The following SPDYA variants were observed in gnomAD, a reference collection of about 807,000 sequenced individuals.
SPDYA encodes the protein speedy/RINGO cell cycle regulator family member A.
Under a neutral mutation model 36.7 loss-of-function variants are expected in SPDYA, and 11 were observed. That is an observed-to-expected ratio of 0.30 (90% CI 0.19 to 0.50). The LOEUF (loss-of-function observed/expected upper bound fraction) is 0.50, where lower values mean the gene tolerates loss of function less well. SPDYA is among the 20% of genes least tolerant of loss of function. The probability of loss-of-function intolerance (pLI) is 0.98; values close to 1 mark genes in which losing one functional copy is unlikely to be tolerated. For synonymous variants in SPDYA, 115 were observed against 118.7 expected (o/e 0.97, Z 0.20); for missense variants, 287 against 370.9 (o/e 0.77, Z 1.86).
intron 5 of SPDYA, among the ~76,000 whole-genome samples, chr2:28,827,488 T>G (rs1004701881): frequency 2.6e-5 from 4 of 152,192 alleles, no homozygotes; most frequent in Non-Finnish European, 5.9e-5. Flanking sequence ...GATTTCAGGG[T>G]CTGTTACTGT....
At position 28,819,064 on chromosome 2, in the gene SPDYA, A is replaced by G. The variant is rs1170580806; in HGVS notation, c.252A>G (p.Gln84=). The G allele has an allele frequency of 7.4e-6, 12 of 1,611,636 alleles. No homozygotes were observed. The highest frequency in any genetic ancestry group is 1.0e-5 in the Non-Finnish European group (12 of 1,178,882). Residue 84 remains glutamine (Q), a synonymous_variant, in exon 4 of 8, where the codon CAA becomes CAG. Coordinates refer to ENST00000334056, the MANE Select transcript of SPDYA (RefSeq NM_182756.4). Reference sequence around the variant, plus strand: ...TTGTTGTAGATGACGATTTAATTCAAGATTTCTTGTGGATGGACTGCTGCT... The same window carrying G: ...TTGTTGTAGATGACGATTTAATTCAGGATTTCTTGTGGATGGACTGCTGCT... ...FFKLFDDDLI[Q]DFLWMDCCCK... is the part of the protein sequence containing the mutation.
chr2:28,822,220 T>C (rs1022785670), intron 4 of SPDYA, 105 bp from the exon 5 acceptor site: 8 of 495,888 alleles, frequency 1.6e-5, no homozygotes, highest in African/African-American at 3.9e-5. Context: ...TAACACTTTA[T>C]TGTTTTAGCT....
At chr2:28,836,223 G>C (rs1163328975) in intron 6 of SPDYA, among the ~76,000 whole-genome samples, 2 of 152,206 alleles carry the variant, frequency 1.3e-5, no homozygotes, top group African/African-American at 4.8e-5. Context: ...AATCATAGAA[G>C]TTGCAGAGCC....
chr2:28,831,528 G>T (rs1046843436), intron 6 of SPDYA, among the ~76,000 whole-genome samples: 5 of 151,862 alleles, frequency 3.3e-5, no homozygotes, highest in African/African-American at 9.7e-5. Context: ...CTTCAAAAAG[G>T]TCACCTTATT....
chr2:28,850,167 A>G lies in SPDYA; in HGVS notation c.*226A>G. ...TAAAGTTCTATTTTGATATTTTTCC[A>G]TCTTCAAGTCAGTTACTGTCATCTG... On this transcript the variant is annotated 3_prime_UTR_variant, in exon 8 of 8. Coordinates refer to ENST00000334056, the MANE Select transcript of SPDYA (RefSeq NM_182756.4). 1 of 1,587,698 alleles carries G rather than the reference A, an allele frequency of 6.3e-7. No individual in the cohort carries two copies. The highest frequency in any genetic ancestry group is 8.6e-7 in the Non-Finnish European group (1 of 1,164,774).
chr2:28,847,060 A>G (rs1668895306), intron 7 of SPDYA, among the ~76,000 whole-genome samples: 1 of 152,256 alleles, frequency 6.6e-6, no homozygotes, highest in Non-Finnish European at 1.5e-5. Flanking sequence ...AATGGACTTC[A>G]GGCCACGTGC....
At chr2:28,842,744 T>C (rs114242416) in intron 7 of SPDYA, among the ~76,000 whole-genome samples, 1,699 of 152,352 alleles carry the variant, frequency 0.011, 18 homozygotes, top group Non-Finnish European at 0.02. Context: ...ATTGTACACA[T>C]ATTTTACCAG....
chr2:28,846,774 A>ACACACACACAC, intron 7 of SPDYA, among the ~76,000 whole-genome samples: 1 of 115,946 alleles, frequency 8.6e-6, no homozygotes, highest in East Asian at 3.5e-4. Context: ...CACACACACA[A>ACACACACACAC]AGGGAAGTGA....
At chr2:28,824,687 C>T (rs930813581) in intron 5 of SPDYA, among the ~76,000 whole-genome samples, 3 of 151,744 alleles carry the variant, frequency 2.0e-5, no homozygotes, top group African/African-American at 7.3e-5. Context: ...GCTGGAACTA[C>T]AGGCGCATGC....
At position 28,835,643 on chromosome 2, in the gene SPDYA, T is replaced by C. The variant is rs531205831; in HGVS notation, c.553-4529T>C. ...GAATGGAACTTCCAATTCTTTTTCA[T>C]ACCTTCTTATCCATTAAATAGGGAA... On this transcript the variant is annotated intron_variant, in intron 6 of 7. Coordinates refer to ENST00000334056, the MANE Select transcript of SPDYA (RefSeq NM_182756.4). Among the ~76,000 whole-genome samples, 6 of 152,362 alleles carry C rather than the reference T, an allele frequency of 3.9e-5. No individual in the cohort carries two copies. In the East Asian group the frequency reaches 1.2e-3, roughly 29 times the overall value.
intron 6 of SPDYA, among the ~76,000 whole-genome samples, chr2:28,833,590 C>A (rs536265853): frequency 6.6e-6 from 1 of 152,220 alleles, no homozygotes; most frequent in South Asian, 2.1e-4. Flanking sequence ...TGAATTTTGA[C>A]AAGGGTGCCA....
At position 28,850,253 on chromosome 2, in the gene SPDYA, A is replaced by G; in HGVS notation, c.*312A>G. Reference sequence around the variant, plus strand: ...ACTTGACAAGAAAAGCTAATTTAAGAGAAGAAAAACATAAAGTCATTATAT... The same window carrying G: ...ACTTGACAAGAAAAGCTAATTTAAGGGAAGAAAAACATAAAGTCATTATAT... On this transcript the variant is annotated 3_prime_UTR_variant, in exon 8 of 8. Transcript: ENST00000334056. 1 of 1,610,702 alleles carries G rather than the reference A, an allele frequency of 6.2e-7. No individual in the cohort carries two copies. The highest frequency in any genetic ancestry group is 8.5e-7 in the Non-Finnish European group (1 of 1,178,164).
intron 1 of SPDYA, among the ~76,000 whole-genome samples, chr2:28,812,504 C>T (rs1321079109): frequency 6.6e-6 from 1 of 151,402 alleles, no homozygotes; most frequent in African/African-American, 2.4e-5. Context: ...TCCCAAACAT[C>T]CTATTCAAGT....
At chr2:28,849,487 T>G (rs1668979138) in intron 7 of SPDYA, among the ~76,000 whole-genome samples, 1 of 152,236 alleles carries the variant, frequency 6.6e-6, no homozygotes, top group African/African-American at 2.4e-5. Flanking sequence ...AGACAAGGTT[T>G]TGCCATGTTG....
chr2:28,838,178 AT>A (rs61135451), intron 6 of SPDYA, among the ~76,000 whole-genome samples: 4,579 of 115,396 alleles, frequency 0.04, 173 homozygotes, highest in African/African-American at 0.12. Flanking sequence ...GAAGTAACGG[AT>A]TTTTTTTTTT....
At chr2:28,823,702 AATATATATATAT>A (rs1160889916) in intron 5 of SPDYA, among the ~76,000 whole-genome samples, 2,925 of 49,194 alleles carry the variant, frequency 0.059, 187 homozygotes, top group African/African-American at 0.15. Flanking sequence ...GGAATGCATG[AATATATATATAT>A]ATATATATAT....
chr2:28,829,378 C>A, intron 6 of SPDYA, 59 bp downstream of exon 6: 1 of 1,499,648 alleles, frequency 6.7e-7, no homozygotes. Flanking sequence ...TCTTATTATC[C>A]TTGTTTTTTA....
At chr2:28,842,278 G>A (rs1668769101) in intron 7 of SPDYA, 1 of 152,212 alleles carries the variant, frequency 6.6e-6, no homozygotes, top group Non-Finnish European at 1.5e-5. Context: ...CTGATGAAAG[G>A]CTACATGAAG....
chr2:28,826,552 T>A (rs1207861351), intron 5 of SPDYA, among the ~76,000 whole-genome samples: 2 of 151,818 alleles, frequency 1.3e-5, no homozygotes, highest in African/African-American at 4.8e-5. Flanking sequence ...AAACTTGTTA[T>A]GCCTCGCTCG....
Sources: allele counts gnomAD v4.1 joint callset (sites outside exome capture counted in the v4.1 genomes callset), GRCh38; gene constraint gnomAD v4.1.1; transcripts MANE v1.5; gene names NCBI Gene and HGNC (gene_info 2026-07-23, HGNC 2026-07-21).